Variants in GRM7 observed in about 807,000 individuals in gnomAD.
GRM7 encodes glutamate metabotropic receptor 7.
GRM7 carries 35 observed loss-of-function variants against 84.5 expected under a neutral mutation model. The observed-to-expected ratio is 0.41, with a 90% CI of 0.32 to 0.55. The LOEUF (loss-of-function observed/expected upper bound fraction) is 0.55, where lower values mean the gene tolerates loss of function less well. GRM7 is among the 20% of genes least tolerant of loss of function. GRM7 has a pLI of 0.19. For synonymous variants in GRM7, 487 were observed against 455.1 expected, an observed-to-expected ratio of 1.07 and a Z score of -0.89; for missense variants, 1,003 against 1,194.6, an observed-to-expected ratio of 0.84 and a Z score of 2.36.
chr3:7,538,549 A>G (rs765297622), intron 7 of GRM7, among the ~76,000 whole-genome samples: 1 of 152,236 alleles, frequency 6.6e-6, no homozygotes, highest in Non-Finnish European at 1.5e-5. Context: ...GAAAAACATC[A>G]AGGTTTAATG....
chr3:7,428,442 T>C (rs1412605746), intron 5 of GRM7, among the ~76,000 whole-genome samples: 5 of 152,186 alleles, frequency 3.3e-5, no homozygotes, highest in Non-Finnish European at 7.3e-5. Flanking sequence ...GTGTGTGTTC[T>C]TTCATTAAAA....
chr3:7,632,600 T>C (rs6793833), intron 8 of GRM7, among the ~76,000 whole-genome samples: 110,876 of 152,108 alleles, frequency 0.73, 41,008 homozygotes, highest in East Asian at 0.86. Flanking sequence ...ATGTATTACA[T>C]GTGGATTAAT....
At chr3:6,886,252 C>T (rs1056377869) in intron 1 of GRM7, among the ~76,000 whole-genome samples, 1 of 151,938 alleles carries the variant, frequency 6.6e-6, no homozygotes, top group Non-Finnish European at 1.5e-5. Context: ...AGAGTGTAGT[C>T]CCGCATGTTG....
At chr3:7,375,863 C>A (rs1694329372) in intron 4 of GRM7, among the ~76,000 whole-genome samples, 1 of 152,138 alleles carries the variant, frequency 6.6e-6, no homozygotes, top group African/African-American at 2.4e-5. Context: ...CAGCCTCTCC[C>A]AGGTGCAGCT....
chr3:7,721,498 A>T (rs531363162), intron 9 of GRM7, among the ~76,000 whole-genome samples: 1 of 152,210 alleles, frequency 6.6e-6, no homozygotes, highest in Non-Finnish European at 1.5e-5. Context: ...TAGTTCTCCC[A>T]GTCTTCACTT....
At chr3:6,896,794 A>G (rs1210009884) in intron 1 of GRM7, among the ~76,000 whole-genome samples, 1 of 151,754 alleles carries the variant, frequency 6.6e-6, no homozygotes, top group African/African-American at 2.4e-5. Flanking sequence ...CTGGAAAATA[A>G]CTCTTCTTTC....
intron 4 of GRM7, among the ~76,000 whole-genome samples, chr3:7,338,050 A>AAT (rs1021980387): frequency 6.6e-6 from 1 of 151,026 alleles, no homozygotes; most frequent in Non-Finnish European, 1.5e-5. Flanking sequence ...GATATATATA[A>AAT]ATATATATAT....
chr3:7,646,425 C>T (rs1698641897), intron 8 of GRM7, among the ~76,000 whole-genome samples: 1 of 152,042 alleles, frequency 6.6e-6, no homozygotes, highest in Non-Finnish European at 1.5e-5. Context: ...AACTCCTGAC[C>T]TGATGATCCA....
chr3:7,403,828 G>T (rs1024874307), intron 4 of GRM7, among the ~76,000 whole-genome samples: 1 of 151,126 alleles, frequency 6.6e-6, no homozygotes. Flanking sequence ...TGTGTGGATG[G>T]ATGGATAGAT....
chr3:7,146,353 C>A (rs1574959632), intron 1 of GRM7, 99 bp from the exon 2 acceptor site: 1 of 918,892 alleles, frequency 1.1e-6, no homozygotes, highest in East Asian at 2.4e-5. Flanking sequence ...ATCTCCTTTG[C>A]AGCTCAAACC....
chr3:7,169,863 G>C (rs148182384), intron 2 of GRM7, among the ~76,000 whole-genome samples: 1 of 152,176 alleles, frequency 6.6e-6, no homozygotes, highest in Non-Finnish European at 1.5e-5. Flanking sequence ...AGAAGCTCAG[G>C]AGTCTTGTAG....
chr3:7,614,032 G>C (rs1360776881), intron 8 of GRM7, among the ~76,000 whole-genome samples: 1 of 152,130 alleles, frequency 6.6e-6, no homozygotes, highest in Admixed American at 6.6e-5. Flanking sequence ...GGGAGGCCAA[G>C]GCGAGCTGAT....
At chr3:7,709,934 G>A (rs975856004) in intron 9 of GRM7, among the ~76,000 whole-genome samples, 16 of 152,018 alleles carry the variant, frequency 1.1e-4, no homozygotes, top group African/African-American at 3.9e-4. Context: ...CACATTAGGC[G>A]CCCTCCTGAC....
At chr3:7,113,396 C>G (rs764583736) in intron 1 of GRM7, among the ~76,000 whole-genome samples, 2 of 152,102 alleles carry the variant, frequency 1.3e-5, no homozygotes, top group Non-Finnish European at 2.9e-5. Context: ...CATCCTGCAC[C>G]TCAGTGGTAC....
chr3:7,250,218 C>A (rs1164335370), intron 2 of GRM7, among the ~76,000 whole-genome samples: 2 of 152,090 alleles, frequency 1.3e-5, no homozygotes, highest in African/African-American at 4.8e-5. Flanking sequence ...AACCAAAATG[C>A]CTCAGAAGAT....
At chr3:7,134,100 A>C (rs542864966) in intron 1 of GRM7, among the ~76,000 whole-genome samples, 2 of 152,274 alleles carry the variant, frequency 1.3e-5, no homozygotes, top group South Asian at 4.1e-4. Flanking sequence ...TTAGCATGGA[A>C]TGTGCAACTT....
chr3:7,183,431 A>T (rs751440015), intron 2 of GRM7, among the ~76,000 whole-genome samples: 26 of 152,242 alleles, frequency 1.7e-4, no homozygotes, highest in Non-Finnish European at 3.7e-4. Context: ...GTTCAAGACC[A>T]GCCGGGCTAA....
chr3:7,128,348 A>G (rs139121664), intron 1 of GRM7, among the ~76,000 whole-genome samples: 6 of 151,876 alleles, frequency 4.0e-5, no homozygotes, highest in African/African-American at 1.2e-4. Flanking sequence ...TGACTGCTGA[A>G]AACCAGACAC....
intron 1 of GRM7, among the ~76,000 whole-genome samples, chr3:6,903,767 T>C (rs1696476268): frequency 6.6e-6 from 1 of 152,158 alleles, no homozygotes; most frequent in Non-Finnish European, 1.5e-5. Flanking sequence ...TTTAACCGTA[T>C]CCTTAACCAA....
Sources: gnomAD v4.1 joint callset for allele counts (sites outside exome capture counted in the v4.1 genomes callset) on GRCh38, gnomAD v4.1.1 for gene constraint, MANE v1.5 for transcripts, NCBI Gene and HGNC (gene_info 2026-07-23, HGNC 2026-07-21) for gene names.